Variants in DGCR6L observed in about 807,000 individuals in gnomAD.
DGCR6L encodes the protein protein DGCR6L.
In DGCR6L, 24 loss-of-function variants were observed where a neutral mutation model predicts 31.1. That is an observed-to-expected ratio of 0.77 (90% confidence interval 0.56 to 1.08). The LOEUF (loss-of-function observed/expected upper bound fraction) is 1.08. Among genes scored for constraint, DGCR6L ranks in the 50% least tolerant of loss-of-function variants. The probability of loss-of-function intolerance (pLI) is 0.00; values close to 1 mark genes in which losing one functional copy is unlikely to be tolerated. For synonymous variants in DGCR6L, 104 were observed against 126.1 expected, an observed-to-expected ratio of 0.82 and a Z score of 1.17; for missense variants, 218 against 287.1, an observed-to-expected ratio of 0.76 and a Z score of 1.74.
rs769900336 is a variant in DGCR6L at position 20,319,792 on chromosome 22, G to A, written c.118C>T (p.Gln40Ter). ...SLVKELPSSFQQRLSYTTLSD... is the reference protein window; with the variant it reads ...SLVKELPSSF ...AGCGTGGTGTAGGACAGGCGCTGCT[G>A]GAAAGAGCTGCGGGTAGGGGGGCGC... The change falls in exon 2 of 5, where the codon CAG becomes TAG. Residue 40 changes from glutamine to a stop codon, truncating the protein, a stop_gained. Coordinates refer to ENST00000248879, the MANE Select transcript of DGCR6L (RefSeq NM_033257.4). LOFTEE classifies it high-confidence loss of function. 25 of 1,610,384 alleles carry A rather than the reference G, an allele frequency of 1.6e-5. No individual in the cohort carries two copies. The highest frequency in any genetic ancestry group is 2.0e-5 in the Non-Finnish European group (24 of 1,178,486).
intron 2 of DGCR6L, among the ~76,000 whole-genome samples, chr22:20,319,132 C>A (rs1428299610): frequency 6.6e-6 from 1 of 152,204 alleles, no homozygotes; most frequent in Non-Finnish European, 1.5e-5. Flanking sequence ...GCCCACCAAG[C>A]AGGCCTGGCT....
chr22:20,319,849 C>G (rs1174554712), intron 1 of DGCR6L, 30 bp downstream of exon 1: 5 of 1,591,910 alleles, frequency 3.1e-6, no homozygotes, highest in Admixed American at 1.8e-5. Flanking sequence ...AAGCCGCCTC[C>G]GCAGGCCTCC....
At chr22:20,314,974 G>GC (rs753026392) in intron 4 of DGCR6L, 150 bp from the exon 5 acceptor site, 2 of 1,495,240 alleles carry the variant, frequency 1.3e-6, no homozygotes, top group Non-Finnish European at 1.8e-6. Flanking sequence ...CTGAGCTTCT[G>GC]CCCCCAACAG....
chr22:20,314,886 C>T (rs1199856141), intron 4 of DGCR6L, 62 bp from the exon 5 acceptor site: 6 of 1,607,140 alleles, frequency 3.7e-6, no homozygotes, highest in Admixed American at 1.7e-5. Flanking sequence ...CATCCCGGCC[C>T]AAGGGTGCCA....
chr22:20,315,378 C>T lies in DGCR6L; in HGVS notation c.471G>A (p.Glu157=), dbSNP rs777511190. 5 of 1,613,960 alleles carry T rather than the reference C, an allele frequency of 3.1e-6. No individual in the cohort carries two copies. The highest frequency in any genetic ancestry group is 4.2e-6 in the Non-Finnish European group (5 of 1,180,006). ...CGTAGAAGCCAGCCACCCCCGCCTT[C>T]TCCAGTGTGCTCTGCTGGTCAGCCA... ...RKVADQQSTL[E]KAGVAGFYVT... Residue 157 remains glutamate (E), a synonymous_variant, in exon 4 of 5, where the codon GAG becomes GAA. Transcript: ENST00000248879.
intron 4 of DGCR6L, chr22:20,315,128 A>G: frequency 7.7e-7 from 1 of 1,293,274 alleles, no homozygotes; most frequent in Non-Finnish European, 1.1e-6. Flanking sequence ...GAGGGTGGGC[A>G]GTGCCCATGG....
intron 2 of DGCR6L, among the ~76,000 whole-genome samples, chr22:20,316,988 C>T (rs1169926897): frequency 6.6e-6 from 1 of 152,206 alleles, no homozygotes; most frequent in African/African-American, 2.4e-5. Flanking sequence ...ATGCAGCACC[C>T]CACAGCTGGC....
chr22:20,317,589 T>C lies in DGCR6L; in HGVS notation c.272-1370A>G, dbSNP rs530726699. 5.9e-5 allele frequency among the ~76,000 whole-genome samples: 9 copies of C among 152,356 alleles called. No homozygotes were observed. The East Asian group carries it at 1.7e-3, about 29-fold the overall frequency. On this transcript the variant is annotated intron_variant, in intron 2 of 4. Transcript: ENST00000248879. ...ACAAACAGCATTGGGCCCAGGCAGT[T>C]ACTAAAACTCCCCATCCTGCTATAA...
Position 20,314,687 on chromosome 22 carries a change from AG to A in DGCR6L, c.650del (p.Pro217LeufsTer18). 1 of 1,599,330 alleles carries A rather than the reference AG, an allele frequency of 6.3e-7. No individual in the cohort carries two copies. The highest frequency in any genetic ancestry group is 8.5e-7 in the Non-Finnish European group (1 of 1,170,814). ...PAAQCDQKGS[P>X]VPP ...CTGCTGCCTGTGGCTATGGTGGGAC[AG>A]GGCTGCCTTTCTGGTCACACTGGGC... On this transcript the variant is annotated frameshift_variant, in exon 5 of 5. Coordinates refer to ENST00000248879, the MANE Select transcript of DGCR6L (RefSeq NM_033257.4). LOFTEE classifies it high-confidence loss of function.
At chr22:20,319,856 C>G (rs2051596797) in intron 1 of DGCR6L, 23 bp downstream of exon 1, 3 of 1,592,520 alleles carry the variant, frequency 1.9e-6, no homozygotes, top group Non-Finnish European at 8.5e-7. Context: ...CTCCGCAGGC[C>G]TCCGCCCGCC....
At chr22:20,318,829 AC>A (rs1020495649) in intron 2 of DGCR6L, 11 of 152,012 alleles carry the variant, frequency 7.2e-5, no homozygotes, top group Non-Finnish European at 1.3e-4. Flanking sequence ...AAAAAGACTT[AC>A]CCAGCCACAA....
intron 4 of DGCR6L, 67 bp from the exon 5 acceptor site, chr22:20,314,891 G>C (rs543408799): frequency 4.4e-6 from 7 of 1,605,168 alleles, no homozygotes; most frequent in Non-Finnish European, 5.9e-6. Flanking sequence ...CGGCCCAAGG[G>C]TGCCAGGCAG....
chr22:20,319,486 CG>C (rs1455564903), intron 2 of DGCR6L, among the ~76,000 whole-genome samples, 152 bp downstream of exon 2: 2 of 152,232 alleles, frequency 1.3e-5, no homozygotes, highest in African/African-American at 4.8e-5. Context: ...ACCAAAAAGG[CG>C]CTGTCTCAGT....
chr22:20,316,084 A>G, intron 3 of DGCR6L, 35 bp downstream of exon 3: 1 of 1,567,730 alleles, frequency 6.4e-7, no homozygotes, highest in Non-Finnish European at 8.6e-7. Context: ...CCCACAGGAG[A>G]GCTGGGCCGG....
chr22:20,317,150 C>A (rs2051577057), intron 2 of DGCR6L, among the ~76,000 whole-genome samples: 1 of 152,208 alleles, frequency 6.6e-6, no homozygotes, highest in Admixed American at 6.5e-5. Context: ...AACTCCAGGG[C>A]CCCTGAGGCT....
At position 20,316,110 on chromosome 22, in the gene DGCR6L, C is replaced by A. The variant is rs775586073; in HGVS notation, c.372+9G>T. 6.2e-7 allele frequency: 1 copy of A among 1,604,218 alleles called. No individual in the cohort carries two copies. The highest frequency in any genetic ancestry group is 2.2e-5 in the East Asian group (1 of 44,576). On this transcript the variant is annotated intron_variant, in intron 3 of 4. Coordinates refer to ENST00000248879, the MANE Select transcript of DGCR6L (RefSeq NM_033257.4). Reference sequence around the variant, plus strand: ...GCTGGGCCGGCCACCCTGCCTGCGCCCCCAGTACCTCTAGTTCTCGCTGCT... The same window carrying A: ...GCTGGGCCGGCCACCCTGCCTGCGCACCCAGTACCTCTAGTTCTCGCTGCT...
chr22:20,316,021 G>A (rs2051568478), intron 3 of DGCR6L, 98 bp downstream of exon 3: 2 of 1,406,712 alleles, frequency 1.4e-6, no homozygotes, highest in Admixed American at 2.3e-5. Flanking sequence ...AGCCACCCAT[G>A]CCTGAGCCCC....
At position 20,319,641 on chromosome 22, in the gene DGCR6L, C is replaced by T. The variant is rs2051594003; in HGVS notation, c.269G>A (p.Arg90Gln). ...NQRLRLQNEH[R>Q]VLRQALRQKH... ...CTCATCCCGCTGCCCCCGCGCACCT[C>T]GGTGCTCGTTCTGTAGGCGCAGGCG... is the stretch of plus-strand genomic sequence containing the variant. Residue 90 changes from arginine (R) to glutamine (Q), a missense_variant and splice_region_variant, in exon 2 of 5, where the codon CGA becomes CAA. This residue lies in a region of DGCR6L where 78 missense variants were observed against 90.0 expected (regional missense o/e 0.87). Transcript: ENST00000248879. 1 of 1,611,172 alleles carries T rather than the reference C, an allele frequency of 6.2e-7. No homozygotes were observed.
rs763952780 is a variant in DGCR6L at position 20,315,497 on chromosome 22, G to A, written c.373-21C>T. 1.9e-5 allele frequency: 30 copies of A among 1,610,626 alleles called. No homozygotes were observed. In the Middle Eastern group the frequency reaches 6.6e-4, roughly 35 times the overall value. On this transcript the variant is annotated intron_variant, in intron 3 of 4. Coordinates refer to ENST00000248879, the MANE Select transcript of DGCR6L (RefSeq NM_033257.4). Reference sequence around the variant, plus strand: ...ACGGCCTGCCATGGGGCCAGGGCGCGGAGGGGGAGAGGTGAGGGCAGCTCT... The same window carrying A: ...ACGGCCTGCCATGGGGCCAGGGCGCAGAGGGGGAGAGGTGAGGGCAGCTCT...
Sources: gnomAD v4.1 joint callset for allele counts (sites outside exome capture counted in the v4.1 genomes callset) on GRCh38, gnomAD v4.1.1 for gene constraint, gnomAD v4.1.1 regional missense constraint, MANE v1.5 for transcripts, NCBI Gene and HGNC (gene_info 2026-07-23, HGNC 2026-07-21) for gene names.